Variants in FREM3 observed in about 807,000 individuals in gnomAD.
The protein encoded by FREM3 is FRAS1-related extracellular matrix protein 3.
FREM3 carries 105 observed loss-of-function variants against 129.1 expected under a neutral mutation model. The ratio of observed to expected loss-of-function variants is 0.81; its 90% confidence interval spans 0.69 to 0.96. The LOEUF is 0.96. Among genes scored for constraint, FREM3 ranks in the 40% least tolerant of loss-of-function variants. The probability of loss-of-function intolerance (pLI) is 0.00; values close to 1 mark genes in which losing one functional copy is unlikely to be tolerated. For synonymous variants in FREM3, 1,014 were observed against 1,044.9 expected, an observed-to-expected ratio of 0.97 and a Z score of 0.57; for missense variants, 2,593 against 2,666.3, an observed-to-expected ratio of 0.97 and a Z score of 0.61.
chr4:143,683,126 G>A (rs1388773685), intron 2 of FREM3, among the ~76,000 whole-genome samples: 1 of 152,182 alleles, frequency 6.6e-6, no homozygotes. Context: ...AAGAACATGC[G>A]GTCTTGAGGT....
intron 1 of FREM3, 106 bp downstream of exon 1, chr4:143,695,385 G>T: frequency 1.0e-6 from 1 of 973,918 alleles, no homozygotes; most frequent in Non-Finnish European, 1.5e-6. Context: ...ATTAGAACAA[G>T]AATCTTACTG....
intron 2 of FREM3, among the ~76,000 whole-genome samples, chr4:143,688,537 A>G (rs1269927826): frequency 1.3e-5 from 2 of 152,170 alleles, no homozygotes; most frequent in African/African-American, 4.8e-5. Flanking sequence ...TAAAACTCAT[A>G]CAGAACCAAA....
At chr4:143,653,481 G>A (rs1325755535) in intron 2 of FREM3, among the ~76,000 whole-genome samples, 1 of 152,136 alleles carries the variant, frequency 6.6e-6, no homozygotes, top group African/African-American at 2.4e-5. Flanking sequence ...AAGGTCAATG[G>A]AGATTCTCTC....
chr4:143,678,281 A>C (rs978884396), intron 2 of FREM3, among the ~76,000 whole-genome samples: 3 of 152,132 alleles, frequency 2.0e-5, no homozygotes, highest in African/African-American at 7.2e-5. Flanking sequence ...TCAGCAAACT[A>C]TTGCAAGGAC....
At chr4:143,660,687 T>A (rs1223064293) in intron 2 of FREM3, among the ~76,000 whole-genome samples, 1 of 152,142 alleles carries the variant, frequency 6.6e-6, no homozygotes, top group Non-Finnish European at 1.5e-5. Flanking sequence ...TATGGCCATT[T>A]TCACGATATT....
In FREM3 at chr4:143,699,796, C is replaced by G. The variant is rs984254363; in HGVS notation, c.880G>C (p.Val294Leu). The change falls in exon 1 of 8, where the codon GTG becomes CTG. Residue 294 changes from valine to leucine, a missense_variant. Val to Leu is a conservative substitution (Grantham distance 32). This residue lies in a region of FREM3 where 2,276 missense variants were observed against 2,267.2 expected (regional missense o/e 1.00). Transcript: ENST00000329798. The surrounding 1 kb of genome is among the most constrained non-coding windows in gnomAD (Gnocchi z 4.2). ...TTCTCGGCTCCGCCGCGGATCCTCACGAGCAGCTGGAAGTGCTCGCGGACC... is the reference window on the plus strand; with the variant it reads ...TTCTCGGCTCCGCCGCGGATCCTCAGGAGCAGCTGGAAGTGCTCGCGGACC... Reference protein sequence around the residue: ...VLVREHFQLLVRIRGGAENTP... With the variant: ...VLVREHFQLLLRIRGGAENTP... The G allele has an allele frequency of 3.3e-6, 5 of 1,536,022 alleles. No homozygotes were observed. The highest frequency in any genetic ancestry group is 3.5e-6 in the Non-Finnish European group (4 of 1,146,578).
At chr4:143,688,946 C>G (rs4835124) in intron 2 of FREM3, among the ~76,000 whole-genome samples, 9,814 of 152,086 alleles carry the variant, frequency 0.065, 856 homozygotes, top group African/African-American at 0.18. Context: ...TTGGAAAAAC[C>G]CTTCTAGACA....
chr4:143,695,277 C>G (rs1462903515), intron 1 of FREM3, among the ~76,000 whole-genome samples: 1 of 152,178 alleles, frequency 6.6e-6, no homozygotes. Flanking sequence ...TATGAAATAT[C>G]TGTGAGTTTC....
In FREM3 at chr4:143,606,197, C is replaced by T. The variant is rs116094387; in HGVS notation, c.6028+5082G>A. Among the ~76,000 whole-genome samples the T allele has an allele frequency of 6.6e-3, 1,003 of 152,236 alleles. 7 individuals are homozygous for T. The highest frequency in any genetic ancestry group is 0.023 in the African/African-American group (970 of 41,552). On this transcript the variant is annotated intron_variant, in intron 6 of 7. Transcript: ENST00000329798. The stretch of plus-strand genomic sequence containing the variant: ...AGAGCCCACAGTATTTAAACAGGAT[C>T]AAGGTGCATTACAAAATCCTGTTGT...
At chr4:143,583,489 C>A (rs1447254527) in intron 7 of FREM3, among the ~76,000 whole-genome samples, 1 of 152,030 alleles carries the variant, frequency 6.6e-6, no homozygotes, top group South Asian at 2.1e-4. Context: ...AGACAACTAT[C>A]CCTAAGACAC....
chr4:143,681,997 T>G (rs1401089521), intron 2 of FREM3, among the ~76,000 whole-genome samples: 7 of 152,138 alleles, frequency 4.6e-5, no homozygotes, highest in Admixed American at 3.3e-4. Context: ...AATCAGTTTA[T>G]AAGTAGGCAG....
Position 143,624,171 on chromosome 4 carries a change from G to C in FREM3, c.5590C>G (p.Pro1864Ala). ...SETFQIILSE[P>A]LMAVLEFPEM... Reference sequence around the variant, plus strand: ...GGAAACTCCAGTACAGCCATGAGAGGTTCAGACAGAATGATCTGGAAGGTC... The same window carrying C: ...GGAAACTCCAGTACAGCCATGAGAGCTTCAGACAGAATGATCTGGAAGGTC... The change falls in exon 4 of 8, where the codon CCT (proline) becomes GCT (alanine). Residue 1864 changes from proline to alanine, a missense_variant. Physicochemically the swap from Pro to Ala is conservative, Grantham distance 27. This residue lies in a region of FREM3 where 317 missense variants were observed against 399.0 expected (regional missense o/e 0.79). Coordinates refer to ENST00000329798, the MANE Select transcript of FREM3 (RefSeq NM_001168235.2). 2.6e-6 allele frequency: 4 copies of C among 1,536,950 alleles called. No individual in the cohort carries two copies. The highest frequency in any genetic ancestry group is 3.5e-6 in the Non-Finnish European group (4 of 1,146,678).
intron 2 of FREM3, among the ~76,000 whole-genome samples, chr4:143,674,811 G>A (rs894178664): frequency 2.0e-5 from 3 of 152,146 alleles, no homozygotes; most frequent in Admixed American, 1.3e-4. Context: ...CTACATAATG[G>A]TAAAGGGATC....
chr4:143,611,737 T>A (rs1437769392), intron 5 of FREM3, among the ~76,000 whole-genome samples: 2 of 152,210 alleles, frequency 1.3e-5, no homozygotes, highest in Admixed American at 1.3e-4. Context: ...TAGTGATTTT[T>A]AAATAGAGTA....
chr4:143,675,522 G>A lies in FREM3; in HGVS notation c.5275+17591C>T, dbSNP rs563204847. Among the ~76,000 whole-genome samples the A allele has an allele frequency of 8.9e-4, 135 of 152,032 alleles. 1 individual carries two copies. The highest frequency in any genetic ancestry group is 3.4e-3 in the Middle Eastern group (1 of 294). On this transcript the variant is annotated intron_variant, in intron 2 of 7. Transcript: ENST00000329798. ...AAACACATTCAAAAGCTAGCAGAAG[G>A]CAAGAAATAACTAAGATCAGAGCAG...
Position 143,611,307 on chromosome 4 carries a change from C to T in FREM3, c.6000G>A (p.Lys2000=). The change falls in exon 6 of 8, where the codon AAG becomes AAA. Residue 2000 remains lysine (K), a synonymous_variant. Coordinates refer to ENST00000329798, the MANE Select transcript of FREM3 (RefSeq NM_001168235.2). ...GQLGARFPTT[K]VTILADRYDE... is the part of the protein sequence containing the mutation. ...CATAACGATCAGCCAGAATAGTCAC[C>T]TTAGTGGTGGGGAATCTGGCTCCCA... is the stretch of plus-strand genomic sequence containing the variant. 1 of 1,537,012 alleles carries T rather than the reference C, an allele frequency of 6.5e-7. No individual in the cohort carries two copies. Among genetic ancestry groups the T allele is most frequent in the Non-Finnish European group, 8.7e-7 (1 of 1,146,778 alleles).
At chr4:143,580,923 T>C (rs1021722291) in intron 7 of FREM3, among the ~76,000 whole-genome samples, 4 of 152,086 alleles carry the variant, frequency 2.6e-5, no homozygotes, top group African/African-American at 7.2e-5. Context: ...GGGCAGGGCC[T>C]CCCGACCTGG....
At chr4:143,619,877 A>C (rs892369164) in intron 5 of FREM3, among the ~76,000 whole-genome samples, 3 of 151,052 alleles carry the variant, frequency 2.0e-5, no homozygotes, top group Non-Finnish European at 3.0e-5. Flanking sequence ...GTATTATTTA[A>C]AAAAAAAACC....
intron 7 of FREM3, among the ~76,000 whole-genome samples, chr4:143,582,120 C>G (rs921824389): frequency 1.3e-5 from 2 of 152,146 alleles, no homozygotes; most frequent in Admixed American, 6.5e-5. Context: ...AAGTCAAAAG[C>G]CCTTTGCCAT....
Sources: allele counts gnomAD v4.1 joint callset (sites outside exome capture counted in the v4.1 genomes callset), GRCh38; gene constraint gnomAD v4.1.1; regional missense constraint gnomAD v4.1.1; non-coding constraint Gnocchi (gnomAD v3.1); transcripts MANE v1.5; gene names NCBI Gene and HGNC (gene_info 2026-07-23, HGNC 2026-07-21).